LARGE2: variants seen among roughly 807,000 people sequenced by gnomAD.
The protein encoded by LARGE2 is xylosyl- and glucuronyltransferase LARGE2.
LARGE2 carries 63 observed loss-of-function variants against 75.3 expected under a neutral mutation model. That is an observed-to-expected ratio of 0.84 (90% CI 0.68 to 1.03). The LOEUF (loss-of-function observed/expected upper bound fraction) is 1.03. Ranked by LOEUF, LARGE2 falls within the 50% of genes least tolerant of loss-of-function variation. LARGE2 has a pLI of 0.00. For missense variants in LARGE2, 925 were observed against 980.6 expected (o/e 0.94, Z 0.76); for synonymous variants, 428 against 420.1 (o/e 1.02, Z -0.23).
intron 6 of LARGE2, among the ~76,000 whole-genome samples, chr11:45,925,319 G>A (rs142818862): frequency 2.6e-5 from 4 of 152,268 alleles, no homozygotes; most frequent in African/African-American, 4.8e-5. Flanking sequence ...CCAGGAGTTC[G>A]AGAACAGCCT....
chr11:45,924,094 G>A, intron 3 of LARGE2, 60 bp from the exon 4 acceptor site: 5 of 1,593,096 alleles, frequency 3.1e-6, no homozygotes, highest in Non-Finnish European at 4.3e-6. Flanking sequence ...CTCGGGGTGG[G>A]GGCTGTCCCA....
At position 45,922,911 on chromosome 11, in the gene LARGE2, TG is replaced by T. The variant is rs1256233051; in HGVS notation, c.34del (p.Ala12ProfsTer105). On this transcript the variant is annotated frameshift_variant, in exon 2 of 14. Coordinates refer to ENST00000401752, the MANE Select transcript of LARGE2 (RefSeq NM_001300721.2). LOFTEE classifies it high-confidence loss of function. MLPRGRPRA[L>X]GAAALLLLLL... ...CTGCCCCGAGGGCGCCCCCGGGCGCTGGGGGCCGCCGCGCTGTTGCTGCTGC... is the reference window on the plus strand; with the variant it reads ...CTGCCCCGAGGGCGCCCCCGGGCGCTGGGGCCGCCGCGCTGTTGCTGCTGC... The T allele has an allele frequency of 2.2e-5, 28 of 1,247,930 alleles. No individual in the cohort carries two copies. Among genetic ancestry groups the T allele is most frequent in the South Asian group, 5.7e-5 (2 of 35,348 alleles). The allele number at this position is 1,247,930 out of a possible 1,614,324, so 77.3% of individuals were successfully genotyped here.
rs930926672 is a variant in LARGE2 at position 45,923,178 on chromosome 11, G to T, written c.285+11G>T. 1.2e-4 allele frequency: 153 copies of T among 1,326,354 alleles called. No individual in the cohort carries two copies. Among genetic ancestry groups the T allele is most frequent in the Non-Finnish European group, 1.4e-4 (142 of 1,046,672 alleles). 82.2% of individuals were successfully genotyped at this position (1,326,354 alleles called of 1,614,324 possible). Reference sequence around the variant, plus strand: ...CCGCCCAAGTGCGAGGTAGGTGCGCGCGGCCCTGGCGGCGGGAGTCCTGGG... The same window carrying T: ...CCGCCCAAGTGCGAGGTAGGTGCGCTCGGCCCTGGCGGCGGGAGTCCTGGG... On this transcript the variant is annotated intron_variant, in intron 2 of 13. Transcript: ENST00000401752.
chr11:45,923,082 C>A lies in LARGE2; in HGVS notation c.200C>A (p.Ala67Asp), dbSNP rs1485624327. 1 of 1,412,466 alleles carries A rather than the reference C, an allele frequency of 7.1e-7. No homozygotes were observed. The highest frequency in any genetic ancestry group is 1.5e-5 in the African/African-American group (1 of 66,746). 87.5% of individuals were successfully genotyped at this position (1,412,466 alleles called of 1,614,324 possible). ...GACGGGAGGCTGCGGAGAGCCGCCG[C>A]CCTCGACGGAGACCCGGGGGCCGGC... ...PPDGRLRRAA[A>D]LDGDPGAGPG... Residue 67 changes from alanine (A) to aspartate (D), a missense_variant, in exon 2 of 14, where the codon GCC becomes GAC. By Grantham distance (126) the Ala-to-Asp change is moderately radical (BLOSUM62 -2). This residue lies in a region of LARGE2 where 453 missense variants were observed against 460.2 expected (regional missense o/e 0.98). Coordinates refer to ENST00000401752, the MANE Select transcript of LARGE2 (RefSeq NM_001300721.2).
rs1463515370 is a variant in LARGE2, at chr11:45,922,835, C to A, written c.-48C>A. ...TCGGTCCGCAGGGCCTGCGATGGAG[C>A]CTGCAGCCCCGGGTCGCGTCCCTCC... On this transcript the variant is annotated 5_prime_UTR_variant, in exon 2 of 14. Transcript: ENST00000401752. 14 of 1,227,292 alleles carry A rather than the reference C, an allele frequency of 1.1e-5. No individual in the cohort carries two copies. Among genetic ancestry groups the A allele is most frequent in the Admixed American group, 4.3e-5 (1 of 23,428 alleles). The allele number at this position is 1,227,292 out of a possible 1,614,324, so 76.0% of individuals were successfully genotyped here.
chr11:45,928,032 T>C lies in LARGE2; in HGVS notation c.1717T>C (p.Leu573=). Residue 573 remains leucine, a synonymous_variant, in exon 12 of 14, where the codon TTG becomes CTG. Transcript: ENST00000401752. The part of the protein sequence containing the change: ...FSFPHSKVEL[L]ALLDAGTLYT... ...CTTCCCCCATTCCAAGGTGGAGCTG[T>C]TGGCCTTGCTGGATGCGGGCACTCT... is the stretch of plus-strand genomic sequence containing the variant. 6.2e-7 allele frequency: 1 copy of C among 1,613,976 alleles called. No homozygotes were observed. The highest frequency in any genetic ancestry group is 8.5e-7 in the Non-Finnish European group (1 of 1,180,008).
chr11:45,923,072 A>C lies in LARGE2; in HGVS notation c.190A>C (p.Arg64=), dbSNP rs768184108. 2 of 1,414,282 alleles carry C rather than the reference A, an allele frequency of 1.4e-6. No homozygotes were observed. Among genetic ancestry groups the C allele is most frequent in the South Asian group, 3.0e-5 (2 of 67,402 alleles). 87.6% of individuals were successfully genotyped at this position (1,414,282 alleles called of 1,614,324 possible). Residue 64 remains arginine (R), a synonymous_variant, in exon 2 of 14, where the codon AGA becomes CGA. Transcript: ENST00000401752. Reference sequence around the variant, plus strand: ...TGTCCCCCCAGACGGGAGGCTGCGGAGAGCCGCCGCCCTCGACGGAGACCC... The same window carrying C: ...TGTCCCCCCAGACGGGAGGCTGCGGCGAGCCGCCGCCCTCGACGGAGACCC... ...PRVPPDGRLR[R]AAALDGDPGA...
At position 45,923,479 on chromosome 11, in the gene LARGE2, C is replaced by G. The variant is rs912379520; in HGVS notation, c.292C>G (p.His98Asp). 3.7e-6 allele frequency: 6 copies of G among 1,613,392 alleles called. No homozygotes were observed. Among genetic ancestry groups the G allele is most frequent in the Non-Finnish European group, 4.2e-6 (5 of 1,179,930 alleles). The change falls in exon 3 of 14, where the codon CAT (histidine) becomes GAT (aspartate). Residue 98 changes from histidine to aspartate, a missense_variant. Coordinates refer to ENST00000401752, the MANE Select transcript of LARGE2 (RefSeq NM_001300721.2). ...PPPPPKCELL[H>D]VAIVCAGHNS... Reference sequence around the variant, plus strand: ...CCTGGGCGTCCCTCCCCAGCTCTTGCATGTGGCCATCGTGTGTGCGGGGCA... The same window carrying G: ...CCTGGGCGTCCCTCCCCAGCTCTTGGATGTGGCCATCGTGTGTGCGGGGCA...
intron 11 of LARGE2, 124 bp from the exon 12 acceptor site, chr11:45,927,796 A>G: frequency 1.3e-6 from 2 of 1,499,704 alleles, no homozygotes; most frequent in Non-Finnish European, 1.8e-6. Context: ...GGTTGTGCCC[A>G]CCCGTCGCAT....
intron 9 of LARGE2, 31 bp from the exon 10 acceptor site, chr11:45,926,680 C>T (rs375652051): frequency 1.2e-6 from 2 of 1,612,022 alleles, no homozygotes; most frequent in Admixed American, 1.7e-5. Context: ...TCTGCCCTAT[C>T]CCCGGTCCTT....
chr11:45,926,983 CA>C, intron 10 of LARGE2, 112 bp downstream of exon 10: 1 of 1,136,004 alleles, frequency 8.8e-7, no homozygotes, highest in South Asian at 1.6e-5. Context: ...ACCTGTCCCT[CA>C]GGGAGTTCCA....
In LARGE2 at chr11:45,927,907, T is replaced by A. The variant is rs745725844; in HGVS notation, c.1605-13T>A. On this transcript the variant is annotated splice_polypyrimidine_tract_variant and intron_variant, in intron 11 of 13. Coordinates refer to ENST00000401752, the MANE Select transcript of LARGE2 (RefSeq NM_001300721.2). ...CCCGCTCTTCTCCCCTGCTCATGGG[T>A]GCTCCTCCTCAGGGCCTCCATTGAG... 3 of 1,612,156 alleles carry A rather than the reference T, an allele frequency of 1.9e-6. No homozygotes were observed. The highest frequency in any genetic ancestry group is 1.7e-6 in the Non-Finnish European group (2 of 1,179,260).
At position 45,927,964 on chromosome 11, in the gene LARGE2, C is replaced by T. The variant is rs765041140; in HGVS notation, c.1649C>T (p.Ala550Val). 1.6e-5 allele frequency: 26 copies of T among 1,613,648 alleles called. No individual in the cohort carries two copies. In the East Asian group the frequency reaches 3.6e-4, roughly 22 times the overall value. Residue 550 changes from alanine to valine, a missense_variant, in exon 12 of 14, where the codon GCA becomes GTA. Transcript: ENST00000401752. ...GGGCTGGGCAGCCGGCGCAAGGCAGCACTGGTGGTGCCGGCATTCGAGACC... is the reference window on the plus strand; with the variant it reads ...GGGCTGGGCAGCCGGCGCAAGGCAGTACTGGTGGTGCCGGCATTCGAGACC... ...QLGLGSRRKA[A>V]LVVPAFETLR...
chr11:45,927,884 C>T (rs946641396), intron 11 of LARGE2, 36 bp from the exon 12 acceptor site: 12 of 1,610,154 alleles, frequency 7.5e-6, no homozygotes, highest in Admixed American at 5.0e-5. Flanking sequence ...CTAGATGCCC[C>T]GCTCTTCTCC....
chr11:45,928,151 G>A, intron 12 of LARGE2, 26 bp from the exon 13 acceptor site: 1 of 1,613,182 alleles, frequency 6.2e-7, no homozygotes. Flanking sequence ...GCCTCAGCCT[G>A]GCTCCCACCC....
At chr11:45,923,364 C>T in intron 2 of LARGE2, 109 bp from the exon 3 acceptor site, 1 of 1,194,282 alleles carries the variant, frequency 8.4e-7, no homozygotes, top group Non-Finnish European at 1.2e-6. Flanking sequence ...TCCTGCTGCC[C>T]CCTCCGCACA....
Position 45,928,807 on chromosome 11 carries a change from C to T in LARGE2, c.2128C>T (p.Pro710Ser), listed in dbSNP as rs1351196935. ...TGGGGCTGCTGCCCTCAAATACCTC[C>T]CAGCCCTGCAGCAGCCCCAGAGCCC... is the stretch of plus-strand genomic sequence containing the variant. Reference protein sequence around the residue: ...HHGAAALKYLPALQQPQSPAR... With the variant: ...HHGAAALKYLSALQQPQSPAR... The change falls in exon 14 of 14, where the codon CCA becomes TCA. Residue 710 changes from proline (P) to serine (S), a missense_variant. Physicochemically the swap from Pro to Ser is moderately conservative, Grantham distance 74 (BLOSUM62 -1). This residue lies in a region of LARGE2 where 469 missense variants were observed against 503.8 expected (regional missense o/e 0.93). Coordinates refer to ENST00000401752, the MANE Select transcript of LARGE2 (RefSeq NM_001300721.2). The T allele has an allele frequency of 6.2e-7, 1 of 1,613,484 alleles. No homozygotes were observed. Among genetic ancestry groups the T allele is most frequent in the Non-Finnish European group, 8.5e-7 (1 of 1,180,008 alleles).
Position 45,924,906 on chromosome 11 carries a change from G to T in LARGE2, c.769+17G>T. 7.0e-7 allele frequency: 1 copy of T among 1,427,252 alleles called. No individual in the cohort carries two copies. The highest frequency in any genetic ancestry group is 9.2e-7 in the Non-Finnish European group (1 of 1,081,374). 88.4% of individuals were successfully genotyped at this position (1,427,252 alleles called of 1,614,324 possible). A position where few individuals can be genotyped will look rare whatever the true frequency, so the allele number is the denominator to read the frequency against. On this transcript the variant is annotated intron_variant, in intron 6 of 13. Transcript: ENST00000401752. ...TTAACACAGGTGGGGACAGTGGTGA[G>T]GGGAGGCAGGCGGGGTGGTCTGCTG...
In LARGE2 at chr11:45,927,303, C is replaced by T; in HGVS notation, c.1326-12C>T. ...GAGGGGCAGAGCTGTGCTGACCTCC[C>T]TCTCCCCATAGGCTGCAGATGTTGG... On this transcript the variant is annotated splice_polypyrimidine_tract_variant and intron_variant, in intron 10 of 13. Transcript: ENST00000401752. 2 of 1,609,482 alleles carry T rather than the reference C, an allele frequency of 1.2e-6. No homozygotes were observed. The highest frequency in any genetic ancestry group is 8.5e-7 in the Non-Finnish European group (1 of 1,178,292).
Sources: allele counts gnomAD v4.1 joint callset (sites outside exome capture counted in the v4.1 genomes callset), GRCh38; gene constraint gnomAD v4.1.1; regional missense constraint gnomAD v4.1.1; transcripts MANE v1.5; gene names NCBI Gene and HGNC (gene_info 2026-07-23, HGNC 2026-07-21).